ITPRID2: variants seen among roughly 807,000 people sequenced by gnomAD.
The protein encoded by ITPRID2 is protein ITPRID2.
A neutral mutation model predicts 124.3 loss-of-function variants in ITPRID2; 60 were observed. The observed-to-expected ratio is 0.48, with a 90% CI of 0.39 to 0.60. The LOEUF (loss-of-function observed/expected upper bound fraction) is 0.60. Among genes scored for constraint, ITPRID2 ranks in the 20% least tolerant of loss-of-function variants. The pLI, the probability that ITPRID2 is intolerant of heterozygous loss-of-function variation, is 0.00. For missense variants in ITPRID2, 1,553 were observed against 1,512.2 expected, an observed-to-expected ratio of 1.03 and a Z score of -0.45; for synonymous variants, 521 against 542.9, an observed-to-expected ratio of 0.96 and a Z score of 0.56.
In ITPRID2 at chr2:181,919,100, T is replaced by G. The variant is rs1183713560; in HGVS notation, c.2994-196T>G. Among the ~76,000 whole-genome samples, 1 of 152,190 alleles carries G rather than the reference T, an allele frequency of 6.6e-6. No homozygotes were observed. Among genetic ancestry groups the G allele is most frequent in the Non-Finnish European group, 1.5e-5 (1 of 68,020 alleles). On this transcript the variant is annotated intron_variant, in intron 13 of 17. Coordinates refer to ENST00000431877, the MANE Select transcript of ITPRID2 (RefSeq NM_001130445.3). The surrounding 1 kb of genome is among the most constrained non-coding windows in gnomAD (Gnocchi z 4.2). ...TAGTGGTAACCTGCTTTCCCGTGTTTGAGATATTTGTGAGAGGATAGGGGA... is the reference window on the plus strand; with the variant it reads ...TAGTGGTAACCTGCTTTCCCGTGTTGGAGATATTTGTGAGAGGATAGGGGA...
chr2:181,922,000 G>A lies in ITPRID2; in HGVS notation c.3263G>A (p.Gly1088Glu). 6.2e-7 allele frequency: 1 copy of A among 1,614,182 alleles called. No individual in the cohort carries two copies. Among genetic ancestry groups the A allele is most frequent in the African/African-American group, 1.3e-5 (1 of 75,044 alleles). Reference protein sequence around the residue: ...QSYLKSELGLGLGEMGFEIPP... With the variant: ...QSYLKSELGLELGEMGFEIPP... ...TACCTGAAGTCTGAATTGGGCCTGG[G>A]ACTTGGAGAAATGGGATTTGAAATT... is the stretch of plus-strand genomic sequence containing the variant. Residue 1088 changes from glycine (G) to glutamate (E), a missense_variant, in exon 16 of 18, where the codon GGA (glycine) becomes GAA (glutamate). Coordinates refer to ENST00000431877, the MANE Select transcript of ITPRID2 (RefSeq NM_001130445.3).
intron 13 of ITPRID2, 27 bp downstream of exon 13, chr2:181,918,909 C>T: frequency 1.2e-6 from 2 of 1,600,744 alleles, no homozygotes; most frequent in Non-Finnish European, 1.7e-6. Context: ...TCTTAGCACA[C>T]CTCAAAAAGC....
chr2:181,926,108 T>C (rs1694825628), intron 16 of ITPRID2, among the ~76,000 whole-genome samples: 1 of 151,772 alleles, frequency 6.6e-6, no homozygotes, highest in Admixed American at 6.6e-5. Flanking sequence ...ACCCCATCTC[T>C]ACTAAAAATA....
chr2:181,923,483 A>G (rs1366369950), intron 16 of ITPRID2, among the ~76,000 whole-genome samples: 1 of 152,194 alleles, frequency 6.6e-6, no homozygotes, highest in African/African-American at 2.4e-5. Flanking sequence ...CTACAAATGT[A>G]ATTATTTTTG....
intron 4 of ITPRID2, among the ~76,000 whole-genome samples, chr2:181,897,344 T>TA (rs1028377709): frequency 6.6e-6 from 1 of 152,030 alleles, no homozygotes; most frequent in Non-Finnish European, 1.5e-5. Flanking sequence ...ATGTCATACT[T>TA]ACAGCTGCAG....
At chr2:181,893,084 C>CT (rs1251191373) in intron 2 of ITPRID2, 1 of 189,744 alleles carries the variant, frequency 5.3e-6, no homozygotes. Flanking sequence ...CCTAACTACA[C>CT]TAAATGGGCT....
At chr2:181,900,998 C>CT in intron 7 of ITPRID2, 94 bp downstream of exon 7, 1 of 975,598 alleles carries the variant, frequency 1.0e-6, no homozygotes, top group Non-Finnish European at 1.5e-6. Context: ...TCAGGAATAG[C>CT]ACTGGAAAGT....
chr2:181,917,736 T>G (rs1417689647), intron 11 of ITPRID2: 4 of 152,280 alleles, frequency 2.6e-5, no homozygotes, highest in Non-Finnish European at 4.4e-5. Context: ...TCTAAACAGT[T>G]GTGTGTTCTT....
chr2:181,925,824 A>G lies in ITPRID2; in HGVS notation c.3676-2337A>G, dbSNP rs16867512. On this transcript the variant is annotated intron_variant, in intron 16 of 17. Transcript: ENST00000431877. ...AGACCGTCTTGCTACAGAGTTTTCT[A>G]TCTCCACTGTCATCTGAAATTGTTC... Among the ~76,000 whole-genome samples the G allele has an allele frequency of 4.4e-3, 666 of 152,262 alleles. 3 individuals carry two copies. Among genetic ancestry groups the G allele is most frequent in the African/African-American group, 0.015 (636 of 41,546 alleles).
chr2:181,929,634 C>G lies in ITPRID2; in HGVS notation c.*87C>G, dbSNP rs1695139292. On this transcript the variant is annotated 3_prime_UTR_variant, in exon 18 of 18. Coordinates refer to ENST00000431877, the MANE Select transcript of ITPRID2 (RefSeq NM_001130445.3). ...TGCACTGGTGGAGGTGTTATTTGTG[C>G]TTTAGAAGATACTTGCTGTTGAGCT... 6.2e-7 allele frequency: 1 copy of G among 1,612,054 alleles called. No individual in the cohort carries two copies. Among genetic ancestry groups the G allele is most frequent in the African/African-American group, 1.3e-5 (1 of 74,836 alleles).
chr2:181,909,890 C>A lies in ITPRID2; in HGVS notation c.1414-9C>A. ...CATTTGGTTTTAACTACTTAAAACTCTTCTTAAGGTTCAAAGTACGGAGGG... is the reference window on the plus strand; with the variant it reads ...CATTTGGTTTTAACTACTTAAAACTATTCTTAAGGTTCAAAGTACGGAGGG... On this transcript the variant is annotated splice_polypyrimidine_tract_variant and intron_variant, in intron 8 of 17. Coordinates refer to ENST00000431877, the MANE Select transcript of ITPRID2 (RefSeq NM_001130445.3). 1.2e-6 allele frequency: 2 copies of A among 1,611,226 alleles called. No homozygotes were observed. The highest frequency in any genetic ancestry group is 1.7e-6 in the Non-Finnish European group (2 of 1,177,852).
rs768765791 is a variant in ITPRID2 at position 181,910,359 on chromosome 2, G to A, written c.1486+388G>A. On this transcript the variant is annotated intron_variant, in intron 9 of 17. Coordinates refer to ENST00000431877, the MANE Select transcript of ITPRID2 (RefSeq NM_001130445.3). The surrounding 1 kb of genome is among the most constrained non-coding windows in gnomAD (Gnocchi z 4.1). ...TTCACTATATAAATATAGCTCCTAG[G>A]TATAACACATGAATATTCCTCTAGC... The A allele has an allele frequency of 2.9e-4, 141 of 494,466 alleles. No individual in the cohort carries two copies. The highest frequency in any genetic ancestry group is 3.8e-4 in the Non-Finnish European group (106 of 279,668). The allele number at this position is 494,466 out of a possible 1,614,324, so 30.6% of individuals were successfully genotyped here.
chr2:181,892,492 C>T lies in ITPRID2; in HGVS notation c.212-123C>T. On this transcript the variant is annotated intron_variant, in intron 1 of 17. Coordinates refer to ENST00000431877, the MANE Select transcript of ITPRID2 (RefSeq NM_001130445.3). This position sits in a 1 kb window ranked among gnomAD's most constrained non-coding sequence, Gnocchi z 5.2. The stretch of plus-strand genomic sequence containing the variant: ...CATCCGATTTCCCTGCCAAGGGACA[C>T]TGAGACGTGTCGCTTAGGCTGCATT... 1 of 1,316,432 alleles carries T rather than the reference C, an allele frequency of 7.6e-7. No homozygotes were observed. Among genetic ancestry groups the T allele is most frequent in the South Asian group, 1.2e-5 (1 of 81,016 alleles). 81.5% of individuals were successfully genotyped at this position (1,316,432 alleles called of 1,614,324 possible). A position where few individuals can be genotyped will look rare whatever the true frequency, so the allele number is the denominator to read the frequency against.
At chr2:181,922,677 A>G (rs886811695) in intron 16 of ITPRID2, among the ~76,000 whole-genome samples, 2 of 152,212 alleles carry the variant, frequency 1.3e-5, no homozygotes, top group African/African-American at 4.8e-5. Context: ...GAAGGACTCA[A>G]AATAAACATG....
chr2:181,928,746 C>G (rs1278462561), intron 17 of ITPRID2, among the ~76,000 whole-genome samples: 3 of 152,072 alleles, frequency 2.0e-5, no homozygotes, highest in Non-Finnish European at 4.4e-5. Context: ...CTGCCTCAGC[C>G]TCCCAAGTAG....
chr2:181,915,306 C>A lies in ITPRID2; in HGVS notation c.1666C>A (p.Pro556Thr), dbSNP rs770560780. 2.5e-6 allele frequency: 4 copies of A among 1,614,024 alleles called. No individual in the cohort carries two copies. The highest frequency in any genetic ancestry group is 3.4e-6 in the Non-Finnish European group (4 of 1,180,048). ...VTSLGEDLAT[P>T]TAQDQPYFNE... ...GTCACTTGGTGAAGACCTTGCCACACCAACAGCACAAGACCAGCCTTATTT... is the reference window on the plus strand; with the variant it reads ...GTCACTTGGTGAAGACCTTGCCACAACAACAGCACAAGACCAGCCTTATTT... Residue 556 changes from proline to threonine, a missense_variant, in exon 11 of 18, where the codon CCA becomes ACA. Coordinates refer to ENST00000431877, the MANE Select transcript of ITPRID2 (RefSeq NM_001130445.3).
rs970831002 is a variant in ITPRID2, at chr2:181,892,907, A to G, written c.257+247A>G. ...GCTACTCACGCATCGTGTTAGCATC[A>G]GAGATCAGAAATCCAGAACAGATAA... On this transcript the variant is annotated intron_variant, in intron 2 of 17. Coordinates refer to ENST00000431877, the MANE Select transcript of ITPRID2 (RefSeq NM_001130445.3). The surrounding 1 kb of genome is among the most constrained non-coding windows in gnomAD (Gnocchi z 5.2). 3.5e-6 allele frequency: 2 copies of G among 579,372 alleles called. No homozygotes were observed. Among genetic ancestry groups the G allele is most frequent in the Non-Finnish European group, 6.2e-6 (2 of 323,188 alleles). 35.9% of individuals were successfully genotyped at this position (579,372 alleles called of 1,614,324 possible). A position where few individuals can be genotyped will look rare whatever the true frequency, so the allele number is the denominator to read the frequency against.
chr2:181,909,380 G>A (rs1693419159), intron 8 of ITPRID2, among the ~76,000 whole-genome samples: 2 of 152,178 alleles, frequency 1.3e-5, no homozygotes, highest in Non-Finnish European at 2.9e-5. Context: ...TACCTCAACT[G>A]TGTGTTGGTC....
chr2:181,918,299 C>T lies in ITPRID2; in HGVS notation c.2788-299C>T, dbSNP rs1248265909. 1.9e-5 allele frequency: 21 copies of T among 1,126,226 alleles called. No homozygotes were observed. In the South Asian group the frequency reaches 6.6e-4, roughly 36 times the overall value. 69.8% of individuals were successfully genotyped at this position (1,126,226 alleles called of 1,614,324 possible). ...ATTTGCAATGGCTTCTACATTTTTGCGTTTTGATTTTGTTTTTTTTTAGTT... is the reference window on the plus strand; with the variant it reads ...ATTTGCAATGGCTTCTACATTTTTGTGTTTTGATTTTGTTTTTTTTTAGTT... On this transcript the variant is annotated intron_variant, in intron 11 of 17. Transcript: ENST00000431877.
Sources: gnomAD v4.1 joint callset for allele counts (sites outside exome capture counted in the v4.1 genomes callset) on GRCh38, gnomAD v4.1.1 for gene constraint, Gnocchi (gnomAD v3.1) non-coding constraint, MANE v1.5 for transcripts, NCBI Gene and HGNC (gene_info 2026-07-23, HGNC 2026-07-21) for gene names.